The following TSPAN9 variants were observed in gnomAD, a reference collection of about 807,000 sequenced individuals.
The protein encoded by TSPAN9 is tetraspanin 9, also known as tetraspanin-9.
In TSPAN9, 16 loss-of-function variants were observed where a neutral mutation model predicts 31.0. That is an observed-to-expected ratio of 0.52 (90% CI 0.35 to 0.78). The LOEUF is 0.78. TSPAN9 is among the 30% of genes least tolerant of loss of function. TSPAN9 has a pLI of 0.01. For synonymous variants in TSPAN9, 145 were observed against 121.6 expected, an observed-to-expected ratio of 1.19 and a Z score of -1.27; for missense variants, 272 against 312.5, an observed-to-expected ratio of 0.87 and a Z score of 0.98.
At chr12:3,097,069 T>C (rs1350682664) in intron 2 of TSPAN9, among the ~76,000 whole-genome samples, 7 of 151,946 alleles carry the variant, frequency 4.6e-5, no homozygotes, top group African/African-American at 1.7e-4. Context: ...GGCGAGGACG[T>C]TGAGGGAAGA....
intron 2 of TSPAN9, among the ~76,000 whole-genome samples, chr12:3,118,234 C>A (rs1259788473): frequency 2.1e-5 from 2 of 97,242 alleles, no homozygotes; most frequent in African/African-American, 8.3e-5. Flanking sequence ...TTACCTGATT[C>A]CGCACCGCCC....
intron 2 of TSPAN9, among the ~76,000 whole-genome samples, chr12:3,162,793 G>C (rs2098346126): frequency 1.3e-5 from 2 of 152,184 alleles, no homozygotes; most frequent in Admixed American, 6.5e-5. Flanking sequence ...CAGGCTCTAG[G>C]CTACATGTCG....
At chr12:3,132,929 T>G (rs2153967113) in intron 2 of TSPAN9, among the ~76,000 whole-genome samples, 1 of 152,192 alleles carries the variant, frequency 6.6e-6, no homozygotes, top group Middle Eastern at 3.4e-3. Context: ...TTGGGGCCAT[T>G]AGGAAGCGGT....
chr12:3,129,519 G>A (rs994113011), intron 2 of TSPAN9, among the ~76,000 whole-genome samples: 3 of 152,162 alleles, frequency 2.0e-5, no homozygotes, highest in Non-Finnish European at 4.4e-5. Context: ...CAGACCACAT[G>A]GGTTTGCATC....
chr12:3,135,237 C>T (rs1186486094), intron 2 of TSPAN9, among the ~76,000 whole-genome samples: 1 of 152,140 alleles, frequency 6.6e-6, no homozygotes, highest in Non-Finnish European at 1.5e-5. Flanking sequence ...ATGCACTCCA[C>T]CACACCTGGC....
intron 3 of TSPAN9, among the ~76,000 whole-genome samples, chr12:3,208,189 C>G (rs76127718): frequency 0.019 from 2,867 of 152,292 alleles, 97 homozygotes; most frequent in African/African-American, 0.066. Context: ...GGAGTATGGA[C>G]CGCTTGGATG....
chr12:3,282,955 GGTGCCCT>G, intron 8 of TSPAN9, 83 bp from the exon 9 acceptor site: 1 of 1,338,136 alleles, frequency 7.5e-7, no homozygotes, highest in South Asian at 1.2e-5. Context: ...GCTTGCTCTA[GGTGCCCT>G]GTGACATCCC....
intron 3 of TSPAN9, among the ~76,000 whole-genome samples, chr12:3,235,170 G>A (rs552352669): frequency 1.0e-5 from 1 of 96,440 alleles, no homozygotes; most frequent in South Asian, 4.4e-4. Context: ...GCGACAGAGC[G>A]AGACTCCGTC....
rs71577836 is a variant in TSPAN9, at chr12:3,280,521, G to A, written c.432+38G>A. On this transcript the variant is annotated intron_variant, in intron 6 of 8. Transcript: ENST00000011898. The surrounding 1 kb of genome is among the most constrained non-coding windows in gnomAD (Gnocchi z 4.5). The stretch of plus-strand genomic sequence containing the variant: ...CCGCCCTGGTGGGGCCAGGCAGGGA[G>A]GAGGGGTGGCGGCCGGTACTTCTAG... The A allele has an allele frequency of 0.021, 33,572 of 1,585,632 alleles. 431 individuals are homozygous for A. The highest frequency in any genetic ancestry group is 0.024 in the Non-Finnish European group (28,380 of 1,163,600).
chr12:3,151,931 CA>C (rs891784634), intron 2 of TSPAN9, among the ~76,000 whole-genome samples: 2 of 150,532 alleles, frequency 1.3e-5, no homozygotes, highest in Non-Finnish European at 3.0e-5. Context: ...TCAAAAAAAA[CA>C]AAAAAAACAC....
chr12:3,240,902 A>G (rs1591699667), intron 3 of TSPAN9, among the ~76,000 whole-genome samples: 1 of 152,354 alleles, frequency 6.6e-6, no homozygotes, highest in East Asian at 1.9e-4. Context: ...GGGGAATATC[A>G]CTAGTAATCA....
At chr12:3,225,753 T>C (rs1031602305) in intron 3 of TSPAN9, among the ~76,000 whole-genome samples, 13 of 151,858 alleles carry the variant, frequency 8.6e-5, no homozygotes, top group African/African-American at 1.5e-4. Context: ...TTTTTTTTTT[T>C]CAAATAGGTT....
chr12:3,182,356 C>T (rs1299697798), intron 2 of TSPAN9, among the ~76,000 whole-genome samples: 7 of 152,064 alleles, frequency 4.6e-5, no homozygotes, highest in African/African-American at 1.7e-4. Context: ...TGCGCCCACC[C>T]GAGGCTGCCT....
intron 3 of TSPAN9, among the ~76,000 whole-genome samples, chr12:3,265,546 C>T (rs996300007): frequency 3.3e-5 from 5 of 152,190 alleles, no homozygotes; most frequent in Non-Finnish European, 7.3e-5. Context: ...GTGGTGGAGC[C>T]AACAGCTTTC....
At chr12:3,281,371 G>T in intron 7 of TSPAN9, 42 bp downstream of exon 7, 1 of 1,525,976 alleles carries the variant, frequency 6.6e-7, no homozygotes, top group African/African-American at 1.4e-5. Flanking sequence ...GAGCCCGTGT[G>T]TGGATGCCCC....
chr12:3,245,152 G>T (rs374775959), intron 3 of TSPAN9, among the ~76,000 whole-genome samples: 4 of 152,206 alleles, frequency 2.6e-5, no homozygotes, highest in Admixed American at 2.0e-4. Context: ...CTCTGGCAGC[G>T]CCTGGTTCTG....
intron 3 of TSPAN9, among the ~76,000 whole-genome samples, chr12:3,237,060 C>G (rs1471337862): frequency 6.6e-6 from 1 of 152,162 alleles, no homozygotes; most frequent in Admixed American, 6.5e-5. Context: ...TTGAATGACT[C>G]ATCAGGGAGG....
intron 3 of TSPAN9, among the ~76,000 whole-genome samples, chr12:3,256,389 G>A (rs1002790520): frequency 6.6e-6 from 1 of 152,204 alleles, no homozygotes; most frequent in Non-Finnish European, 1.5e-5. Context: ...TCCGGCAGTC[G>A]CAGCCAGCAT....
intron 2 of TSPAN9, among the ~76,000 whole-genome samples, chr12:3,174,828 C>G (rs974044508): frequency 6.6e-6 from 1 of 151,256 alleles, no homozygotes; most frequent in African/African-American, 2.4e-5. Flanking sequence ...GTGATCCTCC[C>G]GCCTCGGCCT....
Sources: allele counts gnomAD v4.1 joint callset (sites outside exome capture counted in the v4.1 genomes callset), GRCh38; gene constraint gnomAD v4.1.1; non-coding constraint Gnocchi (gnomAD v3.1); transcripts MANE v1.5; gene names NCBI Gene and HGNC (gene_info 2026-07-23, HGNC 2026-07-21).